Variants in USP34 observed in about 807,000 individuals in gnomAD.
USP34 encodes the protein ubiquitin carboxyl-terminal hydrolase 34.
In USP34, 70 loss-of-function variants were observed where a neutral mutation model predicts 460.3. That is an observed-to-expected ratio of 0.15 (90% CI 0.13 to 0.19). USP34 has a LOEUF of 0.19. Ranked by LOEUF, USP34 falls within the 10% of genes least tolerant of loss-of-function variation. The pLI is 1.00. For missense variants in USP34, 3,985 were observed against 4,236.2 expected, an observed-to-expected ratio of 0.94 and a Z score of 1.65; for synonymous variants, 1,647 against 1,405.3, an observed-to-expected ratio of 1.17 and a Z score of -3.85.
intron 53 of USP34, among the ~76,000 whole-genome samples, chr2:61,238,054 C>A (rs956630770): frequency 1.3e-5 from 2 of 151,892 alleles, no homozygotes; most frequent in Non-Finnish European, 2.9e-5. Flanking sequence ...CGCCACCATA[C>A]CCAGTTAATT....
intron 37 of USP34, among the ~76,000 whole-genome samples, chr2:61,282,175 G>A (rs1689554245): frequency 6.6e-6 from 1 of 152,090 alleles, no homozygotes; most frequent in South Asian, 2.1e-4. Context: ...ATTTTTAGTA[G>A]GGATAGGGTT....
intron 72 of USP34, 78 bp from the exon 73 acceptor site, chr2:61,204,679 A>G (rs528434481): frequency 4.3e-6 from 5 of 1,150,142 alleles, no homozygotes; most frequent in Admixed American, 1.8e-5. Flanking sequence ...TACAAATCCT[A>G]TGATTGCCTC....
chr2:61,295,161 C>T lies in USP34; in HGVS notation c.4377+7G>A. 1 of 1,604,888 alleles carries T rather than the reference C, an allele frequency of 6.2e-7. No homozygotes were observed. Among genetic ancestry groups the T allele is most frequent in the South Asian group, 1.1e-5 (1 of 88,328 alleles). ...ACATTTAATGATAATAATGGAAATG[C>T]AATTACCGTAGACTCCCTCCTTATT... On this transcript the variant is annotated splice_region_variant and intron_variant, in intron 31 of 79. Coordinates refer to ENST00000398571, the MANE Select transcript of USP34 (RefSeq NM_014709.4).
rs1690689374 is a variant in USP34 at position 61,314,685 on chromosome 2, T to C, written c.3442A>G (p.Ile1148Val). Residue 1148 changes from isoleucine (I) to valine (V), a missense_variant, in exon 25 of 80, where the codon ATA (isoleucine) becomes GTA (valine). Around this residue, in one of 14 missense-constraint regions of USP34, gnomAD observed 1,114 missense variants for 1,122.5 expected, o/e 0.99. Coordinates refer to ENST00000398571, the MANE Select transcript of USP34 (RefSeq NM_014709.4). ...TCCTGTTCAAGACTGCTAGAAGCTA[T>C]CATAAGACTCTCCATGCACTTACTA... is the stretch of plus-strand genomic sequence containing the variant. ...FISKCMESLMIASSSLEQESH... is the reference protein window; with the variant it reads ...FISKCMESLMVASSSLEQESH... 1 of 1,601,384 alleles carries C rather than the reference T, an allele frequency of 6.2e-7. No individual in the cohort carries two copies. Among genetic ancestry groups the C allele is most frequent in the Non-Finnish European group, 8.5e-7 (1 of 1,176,062 alleles).
At position 61,192,891 on chromosome 2, in the gene USP34, T is replaced by G. The variant is rs780295717; in HGVS notation, c.9588+10A>C. 1 of 1,610,980 alleles carries G rather than the reference T, an allele frequency of 6.2e-7. No individual in the cohort carries two copies. The highest frequency in any genetic ancestry group is 1.1e-5 in the South Asian group (1 of 90,512). On this transcript the variant is annotated intron_variant, in intron 76 of 79. Transcript: ENST00000398571. ...TTAAAGACCAATCATCTAAAACTCA[T>G]TTTCTTTACCTGAGTCTGGCATAGC...
At chr2:61,266,911 T>G (rs1440032662) in intron 41 of USP34, among the ~76,000 whole-genome samples, 3 of 152,192 alleles carry the variant, frequency 2.0e-5, no homozygotes, top group Admixed American at 2.0e-4. Context: ...TGGCTCACTG[T>G]GCCTAACGGG....
chr2:61,437,556 G>A (rs760202307), intron 1 of USP34, among the ~76,000 whole-genome samples: 13 of 151,982 alleles, frequency 8.6e-5, no homozygotes, highest in South Asian at 4.2e-4. Flanking sequence ...GGCAGATCAC[G>A]AGGTCAGGAG....
chr2:61,192,691 A>G (rs1297785101), intron 76 of USP34, among the ~76,000 whole-genome samples: 1 of 152,268 alleles, frequency 6.6e-6, no homozygotes. Flanking sequence ...AATATCCTCT[A>G]TGATAGAAAT....
chr2:61,406,956 G>C (rs907463617), intron 2 of USP34, among the ~76,000 whole-genome samples: 1 of 152,078 alleles, frequency 6.6e-6, no homozygotes, highest in African/African-American at 2.4e-5. Flanking sequence ...GCTGTAGTGA[G>C]CCAAGATTAC....
intron 21 of USP34, among the ~76,000 whole-genome samples, chr2:61,323,659 G>T (rs1006834359): frequency 2.1e-4 from 32 of 152,270 alleles, no homozygotes; most frequent in African/African-American, 7.5e-4. Context: ...TGAAGTTTTA[G>T]ATTTGATACT....
chr2:61,449,254 TA>T (rs111308233), intron 1 of USP34, among the ~76,000 whole-genome samples: 1,444 of 143,434 alleles, frequency 0.01, 19 homozygotes, highest in African/African-American at 0.03. Flanking sequence ...GACTCCCTCT[TA>T]AAAAAAAAAA....
At chr2:61,391,997 G>A (rs1036196987) in intron 5 of USP34, among the ~76,000 whole-genome samples, 9 of 151,980 alleles carry the variant, frequency 5.9e-5, no homozygotes, top group African/African-American at 1.9e-4. Flanking sequence ...TTGCTTTAAC[G>A]GCCTCAGTTG....
intron 6 of USP34, 130 bp from the exon 7 acceptor site, chr2:61,380,491 C>A: frequency 1.2e-6 from 1 of 861,170 alleles, no homozygotes; most frequent in Middle Eastern, 2.8e-4. Context: ...CTCTGGTTTT[C>A]CTCTCAGGCC....
At chr2:61,390,908 A>T (rs1465226095) in intron 5 of USP34, among the ~76,000 whole-genome samples, 1 of 151,930 alleles carries the variant, frequency 6.6e-6, no homozygotes, top group Non-Finnish European at 1.5e-5. Context: ...CATCCTGGCC[A>T]ACATGGTGAA....
chr2:61,210,066 T>TA (rs1210262598), intron 69 of USP34, among the ~76,000 whole-genome samples: 1 of 152,174 alleles, frequency 6.6e-6, no homozygotes, highest in Non-Finnish European at 1.5e-5. Flanking sequence ...ATCAAGAAGT[T>TA]AAAAAAACTT....
At chr2:61,333,776 A>C (rs1160709601) in intron 19 of USP34, 106 bp downstream of exon 19, 1 of 703,374 alleles carries the variant, frequency 1.4e-6, no homozygotes, top group Non-Finnish European at 2.1e-6. Flanking sequence ...TGAAACTCAA[A>C]TTTTCCTGGT....
At chr2:61,356,208 C>G (rs974755662) in intron 10 of USP34, among the ~76,000 whole-genome samples, 6 of 151,722 alleles carry the variant, frequency 4.0e-5, no homozygotes, top group Admixed American at 3.9e-4. Context: ...GTGCTACAGG[C>G]CAGGCACAGT....
At chr2:61,287,405 A>C (rs1388843660) in intron 34 of USP34, among the ~76,000 whole-genome samples, 1 of 152,226 alleles carries the variant, frequency 6.6e-6, no homozygotes, top group Non-Finnish European at 1.5e-5. Flanking sequence ...AGAATCCACA[A>C]TCAAAAAGAT....
At chr2:61,417,338 C>G (rs1694225937) in intron 2 of USP34, 1 of 631,918 alleles carries the variant, frequency 1.6e-6, no homozygotes, top group African/African-American at 1.8e-5. Flanking sequence ...CACACTGGAC[C>G]CCCATAAGGA....
Sources: gnomAD v4.1 joint callset for allele counts (sites outside exome capture counted in the v4.1 genomes callset) on GRCh38, gnomAD v4.1.1 for gene constraint, gnomAD v4.1.1 regional missense constraint, MANE v1.5 for transcripts, NCBI Gene and HGNC (gene_info 2026-07-23, HGNC 2026-07-21) for gene names.